The following PDCD1 variants were observed in gnomAD, a reference collection of about 807,000 sequenced individuals.
The protein encoded by PDCD1 is programmed cell death 1.
A neutral mutation model predicts 23.6 loss-of-function variants in PDCD1; 10 were observed. The observed-to-expected ratio is 0.42, with a 90% confidence interval of 0.26 to 0.72. The LOEUF (loss-of-function observed/expected upper bound fraction) is 0.72, where lower values mean the gene tolerates loss of function less well. Ranked by LOEUF, PDCD1 falls within the 30% of genes least tolerant of loss-of-function variation. The probability of loss-of-function intolerance (pLI) is 0.24; values close to 1 mark genes in which losing one functional copy is unlikely to be tolerated. For missense variants in PDCD1, 313 were observed against 397.8 expected, an observed-to-expected ratio of 0.79 and a Z score of 1.81; for synonymous variants, 168 against 169.3, an observed-to-expected ratio of 0.99 and a Z score of 0.06.
At position 241,850,580 on chromosome 2, in the gene PDCD1, G is replaced by T. The variant is rs902271142; in HGVS notation, c.*478C>A. 1.4e-5 allele frequency: 6 copies of T among 418,594 alleles called. No individual in the cohort carries two copies. The highest frequency in any genetic ancestry group is 9.9e-5 in the African/African-American group (5 of 50,474). The allele number at this position is 418,594 out of a possible 1,614,324, so 25.9% of individuals were successfully genotyped here. A position where few individuals can be genotyped will look rare whatever the true frequency, so the allele number is the denominator to read the frequency against. On this transcript the variant is annotated 3_prime_UTR_variant, in exon 5 of 5. Transcript: ENST00000334409. The stretch of plus-strand genomic sequence containing the variant: ...ACCTCCCACTCCTGTGCCCAGTCTT[G>T]GGCCCTGCGTCCAGGGCGTTTCGGG...
intron 1 of PDCD1, among the ~76,000 whole-genome samples, chr2:241,855,326 G>A (rs374734935): frequency 2.6e-5 from 4 of 151,962 alleles, no homozygotes; most frequent in South Asian, 4.1e-4. Flanking sequence ...CGACCCCCAC[G>A]CAGGGCCTGC....
At position 241,851,071 on chromosome 2, in the gene PDCD1, G is replaced by A. The variant is rs762704059; in HGVS notation, c.854C>T (p.Ser285Phe). 102 of 1,611,838 alleles carry A rather than the reference G, an allele frequency of 6.3e-5. 3 individuals are homozygous for A. In the South Asian group the frequency reaches 1.1e-3, roughly 17 times the overall value. ...CAAGGAAGCCGGTCAGAGGGGCCAA[G>A]AGCAGTGTCCATCCTCAGGCCTCAG... The part of the protein sequence containing the change: ...QPLRPEDGHC[S>F]WPL The change falls in exon 5 of 5, where the codon TCT (serine) becomes TTT (phenylalanine). Residue 285 changes from serine to phenylalanine, a missense_variant. By Grantham distance (155) the Ser-to-Phe change is radical. Transcript: ENST00000334409.
At chr2:241,857,140 G>A (rs573208229) in intron 1 of PDCD1, among the ~76,000 whole-genome samples, 3 of 152,310 alleles carry the variant, frequency 2.0e-5, no homozygotes, top group East Asian at 1.9e-4. Flanking sequence ...TGGTGGCCCC[G>A]GGAATGACCG....
At chr2:241,855,217 G>T (rs2124866274) in intron 1 of PDCD1, among the ~76,000 whole-genome samples, 1 of 152,074 alleles carries the variant, frequency 6.6e-6, no homozygotes, top group South Asian at 2.1e-4. Flanking sequence ...GTGGGGTGGG[G>T]GCTAGACCTC....
intron 1 of PDCD1, among the ~76,000 whole-genome samples, chr2:241,858,560 TG>T (rs1437440982): frequency 6.9e-6 from 1 of 145,454 alleles, no homozygotes; most frequent in Non-Finnish European, 1.5e-5. Context: ...GGGGCAGAGC[TG>T]GGGGCCAAGG....
intron 1 of PDCD1, among the ~76,000 whole-genome samples, chr2:241,855,702 C>A (rs868213772): frequency 2.0e-5 from 3 of 152,328 alleles, no homozygotes; most frequent in Non-Finnish European, 2.9e-5. Context: ...GGCGGAGGAA[C>A]CTGCTGGCCC....
chr2:241,857,846 C>A (rs528474108), intron 1 of PDCD1, among the ~76,000 whole-genome samples: 1 of 152,290 alleles, frequency 6.6e-6, no homozygotes, highest in Admixed American at 6.5e-5. Flanking sequence ...GTGTCACACC[C>A]CGGTACCCAG....
chr2:241,854,833 G>A (rs187162183), intron 1 of PDCD1, among the ~76,000 whole-genome samples: 5 of 152,194 alleles, frequency 3.3e-5, no homozygotes, highest in Non-Finnish European at 7.3e-5. Flanking sequence ...CTGTGAGCAG[G>A]GACCCTGCAT....
Position 241,850,282 on chromosome 2 carries a change from G to T in PDCD1, c.*776C>A. ...CCTCCTGACCTTGGGACCGTAGGATGTCCCTCTCCCGAGTGGTGTGAGGGG... is the reference window on the plus strand; with the variant it reads ...CCTCCTGACCTTGGGACCGTAGGATTTCCCTCTCCCGAGTGGTGTGAGGGG... On this transcript the variant is annotated 3_prime_UTR_variant, in exon 5 of 5. Transcript: ENST00000334409. 4.3e-6 allele frequency: 1 copy of T among 233,864 alleles called. No individual in the cohort carries two copies. The highest frequency in any genetic ancestry group is 8.4e-6 in the Non-Finnish European group (1 of 118,454). The allele number at this position is 233,864 out of a possible 1,614,324, so 14.5% of individuals were successfully genotyped here.
rs2124861447 is a variant in PDCD1 at position 241,852,927 on chromosome 2, C to A, written c.130G>T (p.Val44Leu). The change falls in exon 2 of 5, where the codon GTG (valine) becomes TTG (leucine). Residue 44 changes from valine to leucine, a missense_variant. By Grantham distance (32) the Val-to-Leu change is conservative. Around this residue, in one of 3 missense-constraint regions of PDCD1, gnomAD observed 135 missense variants for 166.9 expected, o/e 0.81. Transcript: ENST00000334409. ...AAGGTGGCGTTGTCCCCTTCGGTCA[C>A]CACGAGCAGGGCTGGGGAGAAGGTG... ...PPTFSPALLV[V>L]TEGDNATFTC... 6.3e-7 allele frequency: 1 copy of A among 1,588,730 alleles called. No individual in the cohort carries two copies. The highest frequency in any genetic ancestry group is 8.5e-7 in the Non-Finnish European group (1 of 1,174,652).
Position 241,852,203 on chromosome 2 carries a change from G to T in PDCD1, c.587C>A (p.Ala196Glu). 6.2e-7 allele frequency: 1 copy of T among 1,608,966 alleles called. No individual in the cohort carries two copies. Among genetic ancestry groups the T allele is most frequent in the South Asian group, 1.1e-5 (1 of 90,354 alleles). ...WVLAVICSRA[A>E]RGTIGARRTG... ...AGGGGCTGGGATGACGTTACCTCGT[G>T]CGGCCCGGGAGCAGATGACGGCCAG... is the stretch of plus-strand genomic sequence containing the variant. The change falls in exon 3 of 5, where the codon GCA (alanine) becomes GAA (glutamate). Residue 196 changes from alanine (A) to glutamate (E), a missense_variant. Ala to Glu is a moderately radical substitution (Grantham distance 107, BLOSUM62 -1). Transcript: ENST00000334409.
At chr2:241,851,321 G>C (rs369000315) in intron 4 of PDCD1, 24 bp from the exon 5 acceptor site, 6 of 1,586,062 alleles carry the variant, frequency 3.8e-6, no homozygotes, top group Non-Finnish European at 5.2e-6. Flanking sequence ...GGGAGAGGGA[G>C]TCAGCCCCAC....
At chr2:241,856,543 A>G (rs997375069) in intron 1 of PDCD1, among the ~76,000 whole-genome samples, 42 of 152,224 alleles carry the variant, frequency 2.8e-4, no homozygotes, top group African/African-American at 9.9e-4. Flanking sequence ...CTTTAAAAAT[A>G]TGTGTCATGG....
intron 1 of PDCD1, 53 bp from the exon 2 acceptor site, chr2:241,853,033 C>T: frequency 6.6e-7 from 1 of 1,516,108 alleles, no homozygotes; most frequent in Non-Finnish European, 8.8e-7. Flanking sequence ...CAAAGCCTCC[C>T]CGGCCACCTG....
At chr2:241,855,617 G>A (rs1701005346) in intron 1 of PDCD1, among the ~76,000 whole-genome samples, 1 of 152,204 alleles carries the variant, frequency 6.6e-6, no homozygotes, top group Non-Finnish European at 1.5e-5. Flanking sequence ...GGTGGCGGTG[G>A]GGGTGCTCCC....
At chr2:241,856,464 C>A (rs991952816) in intron 1 of PDCD1, among the ~76,000 whole-genome samples, 1 of 152,192 alleles carries the variant, frequency 6.6e-6, no homozygotes. Context: ...TGTTTTTAAA[C>A]GTTTTTGTAT....
intron 4 of PDCD1, 68 bp from the exon 5 acceptor site, chr2:241,851,365 A>C (rs1700898903): frequency 7.9e-6 from 12 of 1,525,766 alleles, no homozygotes; most frequent in East Asian, 2.3e-5. Context: ...GCGGCTCCAC[A>C]GCCTGGCTGC....
Position 241,851,951 on chromosome 2 carries a change from G to C in PDCD1, c.625C>G (p.Leu209Val). ...TIGARRTGQP[L>V]KEDPSAVPVF... ...TGCAGGAAAAGAGTGAGACTCACCA[G>C]GGGCTGGCCGGTGCGCCTGGCTCCT... The change falls in exon 4 of 5, where the codon CTG becomes GTG. Residue 209 changes from leucine (L) to valine (V), a missense_variant and splice_region_variant. Physicochemically the swap from Leu to Val is conservative, Grantham distance 32 (BLOSUM62 1). Coordinates refer to ENST00000334409, the MANE Select transcript of PDCD1 (RefSeq NM_005018.3). 1 of 1,613,786 alleles carries C rather than the reference G, an allele frequency of 6.2e-7. No individual in the cohort carries two copies. The highest frequency in any genetic ancestry group is 8.5e-7 in the Non-Finnish European group (1 of 1,179,878).
intron 1 of PDCD1, among the ~76,000 whole-genome samples, chr2:241,855,762 C>T (rs537243619): frequency 7.9e-5 from 12 of 152,330 alleles, no homozygotes; most frequent in East Asian, 3.9e-4. Flanking sequence ...ACAAGGAAAC[C>T]GTCCCACGGG....
Sources: allele counts gnomAD v4.1 joint callset (sites outside exome capture counted in the v4.1 genomes callset), GRCh38; gene constraint gnomAD v4.1.1; regional missense constraint gnomAD v4.1.1; transcripts MANE v1.5; gene names NCBI Gene and HGNC (gene_info 2026-07-23, HGNC 2026-07-21).